Variants in SATB2 observed in about 807,000 individuals in gnomAD.
The protein encoded by SATB2 is SATB homeobox 2.
SATB2 carries 1 observed loss-of-function variant against 73.4 expected under a neutral mutation model. That is an observed-to-expected ratio of 0.01 (90% CI 0.00 to 0.06). The LOEUF (loss-of-function observed/expected upper bound fraction) is 0.06, where lower values mean the gene tolerates loss of function less well. Among genes scored for constraint, SATB2 ranks in the 10% least tolerant of loss-of-function variants. The pLI is 1.00. For synonymous variants in SATB2, 397 were observed against 367.0 expected, an observed-to-expected ratio of 1.08 and a Z score of -0.93; for missense variants, 459 against 945.8, an observed-to-expected ratio of 0.49 and a Z score of 6.75.
At chr2:199,457,966 C>G (rs1424496422), upstream of SATB2, 1 of 153,316 alleles carries the variant, frequency 6.5e-6, no homozygotes, top group Non-Finnish European at 1.5e-5. The surrounding 1 kb of genome is among the most constrained non-coding windows in gnomAD (Gnocchi z 4.8). Context: ...GAGAGACACA[C>G]TGAGAGGGAG....
chr2:199,272,054 A>G lies in SATB2; in HGVS notation c.*157T>C, dbSNP rs1692173135. The G allele has an allele frequency of 5.5e-6, 4 of 724,914 alleles. No homozygotes were observed. In the Admixed American group the frequency reaches 8.7e-5, roughly 16 times the overall value. The allele number at this position is 724,914 out of a possible 1,614,324, so 44.9% of individuals were successfully genotyped here. On this transcript the variant is annotated 3_prime_UTR_variant, in exon 11 of 11. Transcript: ENST00000417098. This position sits in a 1 kb window ranked among gnomAD's most constrained non-coding sequence, Gnocchi z 6.7. ...TATCCTGTGCAACAAAGAAATGTCC[A>G]AAAGGGTAAGAAAAACAAAACAGAC...
intron 10 of SATB2, among the ~76,000 whole-genome samples, chr2:199,299,333 A>G (rs1687214234): frequency 6.6e-6 from 1 of 152,300 alleles, no homozygotes; most frequent in African/African-American, 2.4e-5. Flanking sequence ...ATAGATTCAG[A>G]AGGTCTGTTT....
chr2:199,436,252 C>T (rs892835362), intron 2 of SATB2, among the ~76,000 whole-genome samples: 3 of 152,054 alleles, frequency 2.0e-5, no homozygotes, highest in Non-Finnish European at 4.4e-5. Context: ...TGAAATATAA[C>T]ATGAAAGCAC....
chr2:199,451,282 C>T (rs1692115482), intron 2 of SATB2, among the ~76,000 whole-genome samples: 1 of 151,916 alleles, frequency 6.6e-6, no homozygotes, highest in African/African-American at 2.4e-5. Flanking sequence ...TGTTCCACTG[C>T]ATATATTTTT....
At chr2:199,422,571 A>G (rs1174487852) in intron 3 of SATB2, among the ~76,000 whole-genome samples, 1 of 152,176 alleles carries the variant, frequency 6.6e-6, no homozygotes, top group Non-Finnish European at 1.5e-5. Context: ...AGGTATAATT[A>G]CTATTCACTT....
intron 3 of SATB2, among the ~76,000 whole-genome samples, chr2:199,429,444 C>G (rs1046088406): frequency 1.3e-5 from 2 of 152,050 alleles, no homozygotes; most frequent in African/African-American, 4.8e-5. Flanking sequence ...ATTAAAGACA[C>G]CTTTTCTGTG....
chr2:199,458,895 C>G (rs1419543928), upstream of SATB2: 1 of 308,350 alleles, frequency 3.2e-6, no homozygotes, highest in Admixed American at 5.0e-5. Flanking sequence ...AAGGCCGCTT[C>G]TCCTTCAAAG....
rs1692188157 is a variant in SATB2 at position 199,272,457 on chromosome 2, C to T, written c.1956G>A (p.Leu652=). 4 of 1,614,160 alleles carry T rather than the reference C, an allele frequency of 2.5e-6. No homozygotes were observed. The highest frequency in any genetic ancestry group is 3.4e-6 in the Non-Finnish European group (4 of 1,180,028). Residue 652 remains leucine, a synonymous_variant, in exon 11 of 11, where the codon CTG becomes CTA. Transcript: ENST00000417098. The surrounding 1 kb of genome is among the most constrained non-coding windows in gnomAD (Gnocchi z 6.7). ...QEAIHTLSAQ[L]DLPKHTIIKF... ...TGATGATGGTGTGTTTGGGGAGATC[C>T]AGCTGAGCCGAAAGAGTGTGGATGG...
chr2:199,338,737 T>C (rs1688412900), intron 7 of SATB2, among the ~76,000 whole-genome samples: 1 of 151,662 alleles, frequency 6.6e-6, no homozygotes, highest in Non-Finnish European at 1.5e-5. Context: ...GGCAACATGG[T>C]GAAACCCCAT....
chr2:199,392,492 A>G (rs1690176440), intron 3 of SATB2, among the ~76,000 whole-genome samples: 1 of 152,190 alleles, frequency 6.6e-6, no homozygotes, highest in African/African-American at 2.4e-5. Context: ...ATAAACCACC[A>G]AAAGGCAAAG....
At chr2:199,462,329 G>A (rs755570435), upstream of SATB2, among the ~76,000 whole-genome samples, 1 of 152,130 alleles carries the variant, frequency 6.6e-6, no homozygotes, top group Admixed American at 6.5e-5. The surrounding 1 kb of genome is among the most constrained non-coding windows in gnomAD (Gnocchi z 5.9). Flanking sequence ...GCCAATTTCC[G>A]CCGCGGACTG....
chr2:199,444,595 C>T (rs1691910934), intron 2 of SATB2, among the ~76,000 whole-genome samples: 1 of 152,104 alleles, frequency 6.6e-6, no homozygotes, highest in Non-Finnish European at 1.5e-5. Flanking sequence ...AGTTTCAAAA[C>T]AGTTCTATTC....
At chr2:199,277,247 G>C (rs1183863116) in intron 10 of SATB2, among the ~76,000 whole-genome samples, 1 of 152,166 alleles carries the variant, frequency 6.6e-6, no homozygotes, top group Non-Finnish European at 1.5e-5. Flanking sequence ...ATATTGACCT[G>C]TGTGTTTGTT....
chr2:199,317,842 C>T (rs888746401), intron 9 of SATB2, among the ~76,000 whole-genome samples: 1 of 151,998 alleles, frequency 6.6e-6, no homozygotes, highest in African/African-American at 2.4e-5. Context: ...CATCATATCA[C>T]TATGTTCACA....
intron 5 of SATB2, among the ~76,000 whole-genome samples, chr2:199,369,389 G>A (rs1484247794): frequency 6.6e-6 from 1 of 152,028 alleles, no homozygotes; most frequent in South Asian, 2.1e-4. Context: ...TTAATCATTG[G>A]GGTTAAAAGA....
chr2:199,384,771 C>T (rs572520879), intron 3 of SATB2, among the ~76,000 whole-genome samples: 5 of 152,108 alleles, frequency 3.3e-5, no homozygotes, highest in Admixed American at 2.0e-4. Flanking sequence ...TAAACTGGAA[C>T]AATAAAAGTA....
intron 5 of SATB2, among the ~76,000 whole-genome samples, chr2:199,379,203 T>C (rs909711799): frequency 2.0e-5 from 3 of 152,158 alleles, no homozygotes; most frequent in Admixed American, 6.5e-5. Context: ...TGAACACAAA[T>C]GGAAAAGGCA....
At chr2:199,306,767 T>C (rs1386042373) in intron 10 of SATB2, among the ~76,000 whole-genome samples, 1 of 152,016 alleles carries the variant, frequency 6.6e-6, no homozygotes, top group Admixed American at 6.6e-5. Context: ...CCCAACGAGA[T>C]GATAATTAAT....
chr2:199,458,283 T>C, upstream of SATB2: 1 of 226,926 alleles, frequency 4.4e-6, no homozygotes, highest in African/African-American at 2.7e-5. Context: ...AATCAATCGC[T>C]GTGAGCACGG....
Sources: gnomAD v4.1 joint callset for allele counts (sites outside exome capture counted in the v4.1 genomes callset) on GRCh38, gnomAD v4.1.1 for gene constraint, Gnocchi (gnomAD v3.1) non-coding constraint, MANE v1.5 for transcripts, NCBI Gene and HGNC (gene_info 2026-07-23, HGNC 2026-07-21) for gene names.